TRAK1: variants seen among roughly 807,000 people sequenced by gnomAD.
TRAK1 encodes the protein trafficking kinesin protein 1.
TRAK1 carries 33 observed loss-of-function variants against 92.1 expected under a neutral mutation model. That is an observed-to-expected ratio of 0.36 (90% CI 0.27 to 0.48). TRAK1 has a LOEUF of 0.48. TRAK1 is among the 20% of genes least tolerant of loss of function. The pLI is 0.99. For synonymous variants in TRAK1, 521 were observed against 517.3 expected (o/e 1.01, Z -0.10); for missense variants, 1,123 against 1,257.9 (o/e 0.89, Z 1.62).
intron 2 of TRAK1, among the ~76,000 whole-genome samples, chr3:42,148,685 G>A (rs1045446728): frequency 1.3e-5 from 2 of 152,144 alleles, no homozygotes; most frequent in African/African-American, 2.4e-5. Context: ...TCCTCTATTT[G>A]TATGTGACAG....
At chr3:42,153,678 T>A (rs1700212739) in intron 2 of TRAK1, among the ~76,000 whole-genome samples, 1 of 152,224 alleles carries the variant, frequency 6.6e-6, no homozygotes, top group Non-Finnish European at 1.5e-5. Context: ...TGGTGCGCTC[T>A]GTTCCTCACT....
At chr3:42,017,870 C>T (rs1701582293) in intron 1 of TRAK1, among the ~76,000 whole-genome samples, 1 of 152,028 alleles carries the variant, frequency 6.6e-6, no homozygotes, top group Non-Finnish European at 1.5e-5. Context: ...TTTTACAGTG[C>T]TGTTCCTTGC....
At chr3:42,153,912 G>A (rs1354842109) in intron 2 of TRAK1, among the ~76,000 whole-genome samples, 1 of 152,036 alleles carries the variant, frequency 6.6e-6, no homozygotes, top group Non-Finnish European at 1.5e-5. Context: ...TGAAGGTAGA[G>A]GTTGACTTCT....
At chr3:42,088,854 G>A (rs1704830016), upstream of TRAK1, among the ~76,000 whole-genome samples, 1 of 152,190 alleles carries the variant, frequency 6.6e-6, no homozygotes, top group Non-Finnish European at 1.5e-5. Flanking sequence ...GAACGTTGAA[G>A]GGCCCGGGGC....
chr3:42,047,981 A>G (rs1702827626), intron 1 of TRAK1, among the ~76,000 whole-genome samples: 1 of 145,554 alleles, frequency 6.9e-6, no homozygotes, highest in South Asian at 2.1e-4. Context: ...CAGTAATAGG[A>G]TGGTGAATTA....
chr3:42,113,103 AG>A (rs59573378), intron 1 of TRAK1, among the ~76,000 whole-genome samples: 152,141 of 152,172 alleles, frequency 1, 76,055 homozygotes, highest in Non-Finnish European at 1. Flanking sequence ...ATTATAGGCC[AG>A]GGCGCTGTGC....
upstream of TRAK1, among the ~76,000 whole-genome samples, chr3:42,088,798 T>G (rs1234613658): frequency 6.6e-6 from 1 of 152,200 alleles, no homozygotes; most frequent in Non-Finnish European, 1.5e-5. Context: ...ACACTCTCCC[T>G]GTTCTTCTGC....
chr3:42,057,998 T>C (rs1017117215), intron 1 of TRAK1, among the ~76,000 whole-genome samples: 1 of 152,216 alleles, frequency 6.6e-6, no homozygotes, highest in Non-Finnish European at 1.5e-5. Context: ...AAATATCATT[T>C]CCTCCTTTAC....
At chr3:42,051,416 G>A (rs999712206) in intron 1 of TRAK1, 1 of 152,268 alleles carries the variant, frequency 6.6e-6, no homozygotes, top group Non-Finnish European at 1.5e-5. Context: ...CGTTTCCTTT[G>A]ATAATTCAGT....
intron 2 of TRAK1, among the ~76,000 whole-genome samples, chr3:42,127,001 C>T (rs1241970441): frequency 6.6e-6 from 1 of 152,148 alleles, no homozygotes; most frequent in Non-Finnish European, 1.5e-5. Context: ...GAATTGTACT[C>T]ATATTGAAGT....
In TRAK1 at chr3:42,013,816, C is replaced by T. The variant is rs1333355706; in HGVS notation, c.-820C>T. On this transcript the variant is annotated 5_prime_UTR_variant, in exon 1 of 17. Transcript: ENST00000487159. The surrounding 1 kb of genome is among the most constrained non-coding windows in gnomAD (Gnocchi z 5.1). ...AGGCGTCCCCCAGAGTGGGGCCGCGCGCGGGAGAGCCGGAGCGCAGCCTTA... is the reference window on the plus strand; with the variant it reads ...AGGCGTCCCCCAGAGTGGGGCCGCGTGCGGGAGAGCCGGAGCGCAGCCTTA... 4 of 150,312 alleles carry T rather than the reference C, an allele frequency of 2.7e-5. No homozygotes were observed. Among genetic ancestry groups the T allele is most frequent in the Non-Finnish European group, 6.0e-5 (4 of 67,068 alleles). 9.3% of individuals were successfully genotyped at this position (150,312 alleles called of 1,614,324 possible). A position where few individuals can be genotyped will look rare whatever the true frequency, so the allele number is the denominator to read the frequency against.
chr3:42,027,852 CTG>C (rs1354509291), intron 1 of TRAK1, among the ~76,000 whole-genome samples: 5 of 152,124 alleles, frequency 3.3e-5, no homozygotes, highest in African/African-American at 7.2e-5. Context: ...ATGGCAGACT[CTG>C]TTATTTTTTT....
intron 1 of TRAK1, among the ~76,000 whole-genome samples, chr3:42,079,097 C>T (rs1160971101): frequency 6.6e-6 from 1 of 152,154 alleles, no homozygotes; most frequent in Non-Finnish European, 1.5e-5. Flanking sequence ...TTGATTGGAG[C>T]CTGTTGAGAT....
At chr3:42,056,482 A>T (rs1703210975) in intron 1 of TRAK1, among the ~76,000 whole-genome samples, 1 of 152,206 alleles carries the variant, frequency 6.6e-6, no homozygotes, top group Non-Finnish European at 1.5e-5. Flanking sequence ...TGAAATTATT[A>T]TTGAAATAAT....
intron 1 of TRAK1, among the ~76,000 whole-genome samples, chr3:42,101,154 C>T (rs1229297382): frequency 6.6e-6 from 1 of 152,184 alleles, no homozygotes; most frequent in African/African-American, 2.4e-5. Flanking sequence ...TACCTAAGGA[C>T]ATGTTCTCCT....
At chr3:42,203,541 C>A in intron 13 of TRAK1, 1 of 979,718 alleles carries the variant, frequency 1.0e-6, no homozygotes, top group African/African-American at 1.8e-5. Flanking sequence ...AAAATGTTTT[C>A]CCTCTACCTG....
At chr3:42,218,181 T>C in intron 14 of TRAK1, 2 of 985,442 alleles carry the variant, frequency 2.0e-6, no homozygotes, top group Non-Finnish European at 2.4e-6. Context: ...GTCTCCAGCA[T>C]TTATTTTTTT....
chr3:42,211,454 AGAAAC>A, intron 14 of TRAK1: 1 of 985,468 alleles, frequency 1.0e-6, no homozygotes, highest in Non-Finnish European at 1.2e-6. Flanking sequence ...CTCGAAAAAG[AGAAAC>A]CAGCTGCGGT....
intron 15 of TRAK1, among the ~76,000 whole-genome samples, chr3:42,222,321 G>T (rs1054366387): frequency 1.3e-5 from 2 of 152,166 alleles, no homozygotes; most frequent in Non-Finnish European, 2.9e-5. Context: ...TATAAAGAGG[G>T]TTAAGGGCAG....
Sources: allele counts gnomAD v4.1 joint callset (sites outside exome capture counted in the v4.1 genomes callset), GRCh38; gene constraint gnomAD v4.1.1; non-coding constraint Gnocchi (gnomAD v3.1); transcripts MANE v1.5; gene names NCBI Gene and HGNC (gene_info 2026-07-23, HGNC 2026-07-21).